The following PCDHGB4 variants were observed in gnomAD, a reference collection of about 807,000 sequenced individuals.
PCDHGB4 encodes protocadherin gamma-B4.
PCDHGB4 carries 38 observed loss-of-function variants against 60.5 expected under a neutral mutation model. That is an observed-to-expected ratio of 0.63 (90% CI 0.48 to 0.82). PCDHGB4 has a LOEUF of 0.82. Among genes scored for constraint, PCDHGB4 ranks in the 40% least tolerant of loss-of-function variants. The pLI, the probability that PCDHGB4 is intolerant of heterozygous loss-of-function variation, is 0.00. For missense variants in PCDHGB4, 1,109 were observed against 1,209.6 expected, an observed-to-expected ratio of 0.92 and a Z score of 1.23; for synonymous variants, 456 against 509.7, an observed-to-expected ratio of 0.89 and a Z score of 1.42.
intron 1 of PCDHGB4, chr5:141,410,799 C>T: frequency 2.9e-5 from 16 of 560,592 alleles, no homozygotes; most frequent in South Asian, 8.0e-5. Context: ...ATAAGTTGCT[C>T]TATCTTTTTG....
In PCDHGB4 at chr5:141,490,023, G is replaced by A. The variant is rs1306715385; in HGVS notation, c.2398-4784G>A. The A allele has an allele frequency of 1.2e-6, 2 of 1,614,134 alleles. No homozygotes were observed. Among genetic ancestry groups the A allele is most frequent in the Non-Finnish European group, 1.7e-6 (2 of 1,180,060 alleles). On this transcript the variant is annotated intron_variant, in intron 1 of 3. Transcript: ENST00000519479. This position sits in a 1 kb window ranked among gnomAD's most constrained non-coding sequence, Gnocchi z 5.4. ...AGAATGCACCCATTGGTACTCTGCT[G>A]CTCCGCCTCAATGCCACTGATCCAG... is the stretch of plus-strand genomic sequence containing the variant.
In PCDHGB4 at chr5:141,485,944, G is replaced by A; in HGVS notation, c.2398-8863G>A. 1.2e-6 allele frequency: 2 copies of A among 1,614,116 alleles called. No homozygotes were observed. The highest frequency in any genetic ancestry group is 1.7e-6 in the Non-Finnish European group (2 of 1,180,020). ...TTAGTGTGTTGGAGAGCGCACCAGC[G>A]GGCATGGTGCTCATCCAGCTCAATG... On this transcript the variant is annotated intron_variant, in intron 1 of 3. Coordinates refer to ENST00000519479, the MANE Select transcript of PCDHGB4 (RefSeq NM_003736.4). This position sits in a 1 kb window ranked among gnomAD's most constrained non-coding sequence, Gnocchi z 5.7.
chr5:141,392,145 C>T (rs2150471723), intron 1 of PCDHGB4: 1 of 152,264 alleles, frequency 6.6e-6, no homozygotes, highest in East Asian at 1.9e-4. Context: ...GTAGTTTAAA[C>T]CAAATAAAAC....
At chr5:141,399,719 G>A (rs773556952) in intron 1 of PCDHGB4, 13 of 1,613,168 alleles carry the variant, frequency 8.1e-6, no homozygotes, top group Non-Finnish European at 1.1e-5. Flanking sequence ...CTACAGGCCC[G>A]CGACCAGGGC....
Position 141,505,432 on chromosome 5 carries a change from C to T in PCDHGB4, c.2496C>T (p.Asn832=), listed in dbSNP as rs776731214. Residue 832 remains asparagine, a synonymous_variant, in exon 3 of 4, where the codon AAC becomes AAT. Transcript: ENST00000519479. ...ATGACACCGGCACCTGGCCCAACAA[C>T]CAGTTTGACACAGAGATGCTGCAAG... ...NGDDTGTWPN[N]QFDTEMLQAM... 6.2e-7 allele frequency: 1 copy of T among 1,614,252 alleles called. No homozygotes were observed. Among genetic ancestry groups the T allele is most frequent in the Non-Finnish European group, 8.5e-7 (1 of 1,180,048 alleles).
chr5:141,400,630 A>G, intron 1 of PCDHGB4: 8 of 1,394,666 alleles, frequency 5.7e-6, no homozygotes, highest in East Asian at 2.3e-5. Flanking sequence ...TAGGGAAGTC[A>G]GAGCTGCTCA....
Position 141,485,444 on chromosome 5 carries a change from G to T in PCDHGB4, c.2398-9363G>T. 1 of 1,614,108 alleles carries T rather than the reference G, an allele frequency of 6.2e-7. No homozygotes were observed. The highest frequency in any genetic ancestry group is 8.5e-7 in the Non-Finnish European group (1 of 1,180,020). ...AGCCCTGCTCATCAAGAACCCAATC[G>T]ACCGAGAGGCACTGTGTGGGCTCAG... is the stretch of plus-strand genomic sequence containing the variant. On this transcript the variant is annotated intron_variant, in intron 1 of 3. Coordinates refer to ENST00000519479, the MANE Select transcript of PCDHGB4 (RefSeq NM_003736.4). This position sits in a 1 kb window ranked among gnomAD's most constrained non-coding sequence, Gnocchi z 5.7.
At chr5:141,450,919 G>A (rs1489017891) in intron 1 of PCDHGB4, among the ~76,000 whole-genome samples, 2 of 151,024 alleles carry the variant, frequency 1.3e-5, no homozygotes, top group African/African-American at 4.9e-5. Context: ...CTGCCTCCCA[G>A]ATTCAAGCAA....
intron 1 of PCDHGB4, among the ~76,000 whole-genome samples, chr5:141,458,079 C>G (rs1016889225): frequency 6.6e-6 from 1 of 152,186 alleles, no homozygotes; most frequent in Non-Finnish European, 1.5e-5. Context: ...AACTATATTG[C>G]CGTAAGTTAA....
chr5:141,393,893 T>C (rs761049644), intron 1 of PCDHGB4: 7 of 1,614,034 alleles, frequency 4.3e-6, no homozygotes, highest in Non-Finnish European at 5.1e-6. Flanking sequence ...TAGAAAATTC[T>C]CTTCCCGGGA....
At chr5:141,412,601 A>G (rs2095565422) in intron 1 of PCDHGB4, 1 of 152,188 alleles carries the variant, frequency 6.6e-6, no homozygotes, top group African/African-American at 2.4e-5. Context: ...ACTAAATAAA[A>G]TTGGCCTATT....
At chr5:141,393,740 TGAA>T in intron 1 of PCDHGB4, 1 of 1,613,888 alleles carries the variant, frequency 6.2e-7, no homozygotes, top group Non-Finnish European at 8.5e-7. Context: ...GTCTAGATTA[TGAA>T]GAATGTTCAT....
intron 1 of PCDHGB4, among the ~76,000 whole-genome samples, chr5:141,449,131 G>A (rs530494400): frequency 7.9e-5 from 12 of 152,220 alleles, no homozygotes; most frequent in Non-Finnish European, 1.3e-4. Flanking sequence ...CCCAGAAATG[G>A]AATTGAAATT....
chr5:141,449,876 C>G (rs924666805), intron 1 of PCDHGB4, among the ~76,000 whole-genome samples: 2 of 151,724 alleles, frequency 1.3e-5, no homozygotes, highest in Non-Finnish European at 2.9e-5. Flanking sequence ...AATTTAACAT[C>G]AATGCAATAT....
In PCDHGB4 at chr5:141,432,287, G is replaced by A. The variant is rs189131107; in HGVS notation, c.2397+42006G>A. On this transcript the variant is annotated intron_variant, in intron 1 of 3. Transcript: ENST00000519479. This position sits in a 1 kb window ranked among gnomAD's most constrained non-coding sequence, Gnocchi z 6.0. ...ATCGTCCTACGTGTCCATCAACTCC[G>A]ACACTGGGGTACTGTATGCGCTGAG... The A allele has an allele frequency of 2.3e-4, 365 of 1,614,216 alleles. 2 individuals carry two copies. In the East Asian group the frequency reaches 6.5e-3, roughly 29 times the overall value.
rs188066304 is a variant in PCDHGB4, at chr5:141,450,907, C to T, written c.2398-43900C>T. On this transcript the variant is annotated intron_variant, in intron 1 of 3. Coordinates refer to ENST00000519479, the MANE Select transcript of PCDHGB4 (RefSeq NM_003736.4). ...TGGTGCGATATCGGCTCACTGCAAC[C>T]GCTGCCTCCCAGATTCAAGCAATTC... is the stretch of plus-strand genomic sequence containing the variant. 6.7e-3 allele frequency among the ~76,000 whole-genome samples: 1,004 copies of T among 150,024 alleles called. 12 individuals carry two copies. The highest frequency in any genetic ancestry group is 0.024 in the African/African-American group (970 of 40,702).
intron 1 of PCDHGB4, among the ~76,000 whole-genome samples, chr5:141,439,161 C>T (rs1384707803): frequency 6.6e-6 from 1 of 150,850 alleles, no homozygotes; most frequent in Non-Finnish European, 1.5e-5. Flanking sequence ...CCACTGCACT[C>T]CAGCCTGGGC....
At position 141,486,348 on chromosome 5, in the gene PCDHGB4, A is replaced by G. The variant is rs754981437; in HGVS notation, c.2398-8459A>G. ...GATGTGAGCCTCCGCATTCCTGACC[A>G]CTTGCCATTTGCCCTCAAGTCTGCC... is the stretch of plus-strand genomic sequence containing the variant. On this transcript the variant is annotated intron_variant, in intron 1 of 3. Transcript: ENST00000519479. The surrounding 1 kb of genome is among the most constrained non-coding windows in gnomAD (Gnocchi z 5.0). 1.9e-6 allele frequency: 3 copies of G among 1,613,900 alleles called. No individual in the cohort carries two copies. The highest frequency in any genetic ancestry group is 2.5e-6 in the Non-Finnish European group (3 of 1,179,996).
intron 1 of PCDHGB4, chr5:141,423,483 A>G (rs767321755): frequency 1.9e-6 from 3 of 1,613,974 alleles, no homozygotes; most frequent in Middle Eastern, 3.3e-4. Flanking sequence ...CTTTCCTGCA[A>G]ACCTATTCCC....
Sources: gnomAD v4.1 joint callset for allele counts (sites outside exome capture counted in the v4.1 genomes callset) on GRCh38, gnomAD v4.1.1 for gene constraint, Gnocchi (gnomAD v3.1) non-coding constraint, MANE v1.5 for transcripts, NCBI Gene and HGNC (gene_info 2026-07-23, HGNC 2026-07-21) for gene names.